GRIK2: variants seen among roughly 807,000 people sequenced by gnomAD.
GRIK2 encodes glutamate receptor ionotropic, kainate 2.
Under a neutral mutation model 100.3 loss-of-function variants are expected in GRIK2, and 32 were observed. That is an observed-to-expected ratio of 0.32 (90% CI 0.24 to 0.43). GRIK2 has a LOEUF of 0.43. Among genes scored for constraint, GRIK2 ranks in the 20% least tolerant of loss-of-function variants. GRIK2 has a pLI of 1.00. For missense variants in GRIK2, 843 were observed against 1,114.9 expected (o/e 0.76, Z 3.47); for synonymous variants, 417 against 389.4 (o/e 1.07, Z -0.83).
intron 7 of GRIK2, among the ~76,000 whole-genome samples, chr6:101,709,728 C>T (rs575480501): frequency 2.6e-5 from 4 of 151,696 alleles, no homozygotes; most frequent in African/African-American, 9.7e-5. Context: ...CTGGGCTTTG[C>T]GCGGGGTAGG....
Position 101,464,523 on chromosome 6 carries a change from T to C in GRIK2, c.115+65131T>C, listed in dbSNP as rs1480425002. Among the ~76,000 whole-genome samples the C allele has an allele frequency of 1.2e-3, 119 of 98,350 alleles. 5 individuals carry two copies. The highest frequency in any genetic ancestry group is 2.1e-3 in the Non-Finnish European group (102 of 49,658). 64.5% of individuals were successfully genotyped at this position (98,350 alleles called of 152,430 possible). On this transcript the variant is annotated intron_variant, in intron 2 of 16. Transcript: ENST00000369134. ...TTTTTTTTTTTTTTTTTTTTTTTTT[T>C]TTTTTTTTTTTTGAGACAGAGTCTC...
chr6:101,508,874 G>T (rs1338378635), intron 2 of GRIK2, among the ~76,000 whole-genome samples: 1 of 152,148 alleles, frequency 6.6e-6, no homozygotes, highest in African/African-American at 2.4e-5. Flanking sequence ...TGGTGTTGTA[G>T]GCTGGGCGTG....
intron 2 of GRIK2, among the ~76,000 whole-genome samples, chr6:101,589,812 A>C (rs1363481891): frequency 6.6e-6 from 1 of 152,110 alleles, no homozygotes; most frequent in Non-Finnish European, 1.5e-5. Context: ...CTGATAGATT[A>C]AATATATCTG....
intron 11 of GRIK2, among the ~76,000 whole-genome samples, chr6:101,887,442 T>C (rs1786730605): frequency 6.6e-6 from 1 of 152,016 alleles, no homozygotes; most frequent in African/African-American, 2.4e-5. Context: ...AACACATACA[T>C]AAATTGTGCT....
intron 2 of GRIK2, among the ~76,000 whole-genome samples, chr6:101,541,386 A>T (rs1418193732): frequency 3.0e-5 from 1 of 32,836 alleles, no homozygotes; most frequent in Non-Finnish European, 1.1e-4. Flanking sequence ...CCACACACAC[A>T]CACACACACA....
chr6:101,593,558 A>G (rs1327466106), intron 2 of GRIK2, among the ~76,000 whole-genome samples: 2 of 151,838 alleles, frequency 1.3e-5, no homozygotes, highest in South Asian at 2.1e-4. Flanking sequence ...TCACAATATT[A>G]TAAACTTCTT....
chr6:101,397,791 T>C (rs980879748), intron 1 of GRIK2, among the ~76,000 whole-genome samples: 4 of 152,082 alleles, frequency 2.6e-5, no homozygotes, highest in African/African-American at 9.7e-5. Context: ...GCCCTGTTAG[T>C]TGGTTATGAA....
At chr6:101,579,672 G>A (rs12200381) in intron 2 of GRIK2, among the ~76,000 whole-genome samples, 7 of 151,884 alleles carry the variant, frequency 4.6e-5, no homozygotes, top group South Asian at 2.1e-4. Flanking sequence ...CCAACATGGC[G>A]AAACCCCATC....
At chr6:101,977,490 C>T (rs9498784) in intron 14 of GRIK2, among the ~76,000 whole-genome samples, 1,823 of 152,008 alleles carry the variant, frequency 0.012, 40 homozygotes, top group African/African-American at 0.043. Context: ...GGGCATTCTG[C>T]AAAAGCCTCA....
intron 14 of GRIK2, among the ~76,000 whole-genome samples, chr6:101,945,624 C>A (rs1455454624): frequency 6.6e-6 from 1 of 152,098 alleles, no homozygotes; most frequent in Non-Finnish European, 1.5e-5. Flanking sequence ...ATTTAGTAAG[C>A]TTATAAGTTT....
At chr6:101,520,569 A>T (rs1306718974) in intron 2 of GRIK2, among the ~76,000 whole-genome samples, 2 of 152,070 alleles carry the variant, frequency 1.3e-5, no homozygotes, top group African/African-American at 4.8e-5. Context: ...TTATGTTTTT[A>T]AAGCTCTCAA....
rs1350178008 is a variant in GRIK2 at position 101,760,405 on chromosome 6, AT to A, written c.952-39240del. ...TATAATTAATTATATTTAATTATAT[AT>A]TTATTATATATAATTAATTATATTT... On this transcript the variant is annotated intron_variant, in intron 7 of 16. Transcript: ENST00000369134. 2.9e-3 allele frequency among the ~76,000 whole-genome samples: 150 copies of A among 51,746 alleles called. 49 individuals carry two copies. The highest frequency in any genetic ancestry group is 0.02 in the African/African-American group (144 of 7,172). The allele number at this position is 51,746 out of a possible 152,430, so 33.9% of individuals were successfully genotyped here. A position where few individuals can be genotyped will look rare whatever the true frequency, so the allele number is the denominator to read the frequency against.
intron 2 of GRIK2, among the ~76,000 whole-genome samples, chr6:101,531,088 C>T (rs907989743): frequency 3.1e-4 from 47 of 152,030 alleles, no homozygotes; most frequent in African/African-American, 1.1e-3. Context: ...AAAAGTTATA[C>T]AGTTAAAGCT....
chr6:101,489,926 G>C (rs1253380305), intron 2 of GRIK2, among the ~76,000 whole-genome samples: 2 of 146,302 alleles, frequency 1.4e-5, no homozygotes, highest in Non-Finnish European at 3.0e-5. Flanking sequence ...GAAGCATCCA[G>C]GTCCAACATT....
At chr6:101,445,421 T>C (rs1406413711) in intron 2 of GRIK2, among the ~76,000 whole-genome samples, 1 of 152,080 alleles carries the variant, frequency 6.6e-6, no homozygotes, top group Non-Finnish European at 1.5e-5. Context: ...ACTTCCATAA[T>C]GAACTTCTCA....
At chr6:101,629,356 A>T (rs566105318) in intron 4 of GRIK2, among the ~76,000 whole-genome samples, 1 of 152,212 alleles carries the variant, frequency 6.6e-6, no homozygotes, top group Non-Finnish European at 1.5e-5. Flanking sequence ...TTGCTGTTCC[A>T]TTTTATGCAA....
At chr6:101,559,041 C>T (rs1019592120) in intron 2 of GRIK2, among the ~76,000 whole-genome samples, 3 of 152,076 alleles carry the variant, frequency 2.0e-5, no homozygotes, top group Non-Finnish European at 2.9e-5. Context: ...CTTCCTCTGT[C>T]TAGATGACCC....
intron 2 of GRIK2, among the ~76,000 whole-genome samples, chr6:101,446,564 G>T (rs182841529): frequency 2.0e-5 from 3 of 151,912 alleles, no homozygotes; most frequent in African/African-American, 4.8e-5. Context: ...TTGTAAAAGA[G>T]CTTGATTACA....
At chr6:101,394,342 G>C (rs987743916) in intron 1 of GRIK2, among the ~76,000 whole-genome samples, 1 of 152,166 alleles carries the variant, frequency 6.6e-6, no homozygotes, top group African/African-American at 2.4e-5. Context: ...CTTGGAGGGC[G>C]TCCCATTAGG....
Sources: allele counts gnomAD v4.1 joint callset (sites outside exome capture counted in the v4.1 genomes callset), GRCh38; gene constraint gnomAD v4.1.1; transcripts MANE v1.5; gene names NCBI Gene and HGNC (gene_info 2026-07-23, HGNC 2026-07-21).